Variants in RGMB observed in about 807,000 individuals in gnomAD.
The protein encoded by RGMB is repulsive guidance molecule BMP co-receptor b, also known as repulsive guidance molecule B.
A neutral mutation model predicts 26.9 loss-of-function variants in RGMB; 16 were observed. The ratio of observed to expected loss-of-function variants is 0.60; its 90% CI spans 0.40 to 0.90. The LOEUF is 0.90. Ranked by LOEUF, RGMB falls within the 40% of genes least tolerant of loss-of-function variation. The pLI is 0.00. For missense variants in RGMB, 512 were observed against 573.3 expected (o/e 0.89, Z 1.09); for synonymous variants, 225 against 229.3 (o/e 0.98, Z 0.17).
intron 2 of RGMB, among the ~76,000 whole-genome samples, chr5:98,791,183 G>T (rs574556381): frequency 7.9e-5 from 12 of 152,306 alleles, no homozygotes; most frequent in African/African-American, 2.2e-4. Context: ...GAGAAGGCTG[G>T]TAGTGAAATC....
intron 2 of RGMB, among the ~76,000 whole-genome samples, chr5:98,785,179 T>G (rs1260970217): frequency 2.0e-5 from 3 of 152,204 alleles, no homozygotes; most frequent in Non-Finnish European, 4.4e-5. Flanking sequence ...ATAATCATTC[T>G]CTGATAAATG....
chr5:98,787,101 T>A (rs576848468), intron 2 of RGMB, among the ~76,000 whole-genome samples: 3 of 152,332 alleles, frequency 2.0e-5, no homozygotes, highest in African/African-American at 7.2e-5. Flanking sequence ...TATCGAGGTC[T>A]TCCCCTCACC....
chr5:98,786,978 C>T (rs1383728912), intron 2 of RGMB, among the ~76,000 whole-genome samples: 4 of 152,122 alleles, frequency 2.6e-5, no homozygotes, highest in Non-Finnish European at 5.9e-5. Context: ...TGATATGACA[C>T]CATCTAAAAC....
At chr5:98,774,458 T>C (rs1225385181) in intron 1 of RGMB, among the ~76,000 whole-genome samples, 1 of 151,932 alleles carries the variant, frequency 6.6e-6, no homozygotes, top group Non-Finnish European at 1.5e-5. Context: ...CGCTGACAAA[T>C]CTCCCCTCCG....
At chr5:98,775,530 T>C (rs1346341444) in intron 1 of RGMB, among the ~76,000 whole-genome samples, 2 of 152,182 alleles carry the variant, frequency 1.3e-5, no homozygotes. Context: ...GTGCGAAAAA[T>C]ATGTGTCCAT....
rs1186749473 is a variant in RGMB at position 98,795,219 on chromosome 5, A to G, written c.*1466A>G. The G allele has an allele frequency of 1.3e-5, 2 of 152,190 alleles. No homozygotes were observed. The highest frequency in any genetic ancestry group is 4.8e-5 in the African/African-American group (2 of 41,438). 9.4% of individuals were successfully genotyped at this position (152,190 alleles called of 1,614,324 possible). On this transcript the variant is annotated 3_prime_UTR_variant, in exon 3 of 3. Transcript: ENST00000513185. ...GTTTCTATTGTTATAGCTAGATGTA[A>G]ATCTTTAGTTCCAAGAAGTGATAGA...
chr5:98,791,621 C>T (rs1746932890), intron 2 of RGMB, among the ~76,000 whole-genome samples: 1 of 152,190 alleles, frequency 6.6e-6, no homozygotes, highest in Non-Finnish European at 1.5e-5. Context: ...TACCTTCCTC[C>T]TGACTGAAGT....
upstream of RGMB, chr5:98,770,690 G>T (rs764678565): frequency 1.4e-6 from 2 of 1,436,570 alleles, no homozygotes; most frequent in Admixed American, 5.0e-5. Context: ...ACAGGCACTT[G>T]ATTTCTCAAG....
At chr5:98,790,991 T>G (rs1746912081) in intron 2 of RGMB, among the ~76,000 whole-genome samples, 1 of 150,754 alleles carries the variant, frequency 6.6e-6, no homozygotes, top group Admixed American at 6.6e-5. Context: ...CAGCATGCCT[T>G]AAAAAAAAAC....
Position 98,774,096 on chromosome 5 carries a change from G to GCGCCGC in RGMB, c.30_35dup (p.Ala14_Ala15dup). On this transcript the variant is annotated inframe_insertion, in exon 1 of 3. Coordinates refer to ENST00000513185, the MANE Select transcript of RGMB (RefSeq NM_001366508.1). ...ATGGGCTTGAGAGCAGCACCTTCCA[G>GCGCCGC]CGCCGCCGCTGCCGCCGCCGAGGTT... 8.1e-7 allele frequency: 1 copy of GCGCCGC among 1,236,086 alleles called. No homozygotes were observed. Among genetic ancestry groups the GCGCCGC allele is most frequent in the Non-Finnish European group, 1.1e-6 (1 of 886,314 alleles). The allele number at this position is 1,236,086 out of a possible 1,614,324, so 76.6% of individuals were successfully genotyped here. A position where few individuals can be genotyped will look rare whatever the true frequency, so the allele number is the denominator to read the frequency against.
chr5:98,787,692 C>A (rs1195389045), intron 2 of RGMB, among the ~76,000 whole-genome samples: 1 of 152,198 alleles, frequency 6.6e-6, no homozygotes, highest in Non-Finnish European at 1.5e-5. Context: ...CCAAGACTTA[C>A]AGGACAAAGG....
intron 2 of RGMB, chr5:98,792,826 C>T: frequency 3.5e-6 from 1 of 284,910 alleles, no homozygotes; most frequent in Non-Finnish European, 6.5e-6. Context: ...CTCACTTGCT[C>T]ACTCTTTCTC....
upstream of RGMB, chr5:98,773,644 C>G (rs181230660): frequency 8.7e-4 from 276 of 317,214 alleles, 6 homozygotes; most frequent in African/African-American, 5.4e-3. Context: ...TGAGATTGAT[C>G]GACCGCGGGG....
rs765213696 is a variant in RGMB at position 98,787,876 on chromosome 5, G to A, written c.646-5209G>A. 2.6e-5 allele frequency among the ~76,000 whole-genome samples: 4 copies of A among 152,210 alleles called. 1 individual carries two copies. The highest frequency in any genetic ancestry group is 2.9e-5 in the Non-Finnish European group (2 of 68,012). ...CTGGGCCAGCTTCCCTTTCATTCTC[G>A]TTTTAGCCACTGAGCTTGATGCTGC... On this transcript the variant is annotated intron_variant, in intron 2 of 2. Transcript: ENST00000513185.
rs1367951327 is a variant in RGMB at position 98,774,018 on chromosome 5, C to G, written c.-53C>G. On this transcript the variant is annotated 5_prime_UTR_variant, in exon 1 of 3. Transcript: ENST00000513185. Reference sequence around the variant, plus strand: ...CGCAGCCACGGGCCCAGACCCGCCACGGCGCCCGCGCCGCCGCCCTCGCCG... The same window carrying G: ...CGCAGCCACGGGCCCAGACCCGCCAGGGCGCCCGCGCCGCCGCCCTCGCCG... 1.5e-6 allele frequency: 1 copy of G among 664,490 alleles called. No individual in the cohort carries two copies. The highest frequency in any genetic ancestry group is 3.4e-5 in the East Asian group (1 of 29,430). 41.2% of individuals were successfully genotyped at this position (664,490 alleles called of 1,614,324 possible).
At chr5:98,779,225 A>G (rs1746509965) in intron 1 of RGMB, among the ~76,000 whole-genome samples, 1 of 152,196 alleles carries the variant, frequency 6.6e-6, no homozygotes, top group South Asian at 2.1e-4. Flanking sequence ...TTTTGGCGTA[A>G]CCTTAGAGTA....
intron 1 of RGMB, among the ~76,000 whole-genome samples, chr5:98,774,546 C>T (rs1404921436): frequency 1.3e-5 from 2 of 152,296 alleles, no homozygotes; most frequent in Admixed American, 6.5e-5. Context: ...TTGCTCTCTG[C>T]GCTGGTGTTT....
intron 1 of RGMB, 83 bp from the exon 2 acceptor site, chr5:98,779,497 C>T (rs1413305336): frequency 7.4e-7 from 1 of 1,350,584 alleles, no homozygotes; most frequent in Admixed American, 2.5e-5. Context: ...CAAACAATTC[C>T]CAAAGAACAA....
intron 2 of RGMB, among the ~76,000 whole-genome samples, chr5:98,791,541 C>T (rs1001294044): frequency 3.3e-5 from 5 of 152,016 alleles, no homozygotes; most frequent in Admixed American, 2.6e-4. Flanking sequence ...TCTATTGTTT[C>T]GATTAGTTTC....
Sources: gnomAD v4.1 joint callset for allele counts (sites outside exome capture counted in the v4.1 genomes callset) on GRCh38, gnomAD v4.1.1 for gene constraint, MANE v1.5 for transcripts, NCBI Gene and HGNC (gene_info 2026-07-23, HGNC 2026-07-21) for gene names.